Variants in SCLT1 observed in about 807,000 individuals in gnomAD.
The protein encoded by SCLT1 is sodium channel and clathrin linker 1.
SCLT1 carries 78 observed loss-of-function variants against 112.8 expected under a neutral mutation model. The ratio of observed to expected loss-of-function variants is 0.69; its 90% CI spans 0.58 to 0.83. SCLT1 has a LOEUF of 0.83. Among genes scored for constraint, SCLT1 ranks in the 40% least tolerant of loss-of-function variants. The pLI is 0.00. For synonymous variants in SCLT1, 257 were observed against 254.7 expected (o/e 1.01, Z -0.09); for missense variants, 747 against 770.4 (o/e 0.97, Z 0.36).
intron 3 of SCLT1, among the ~76,000 whole-genome samples, chr4:128,878,879 T>C (rs1303168131): frequency 6.6e-6 from 1 of 152,046 alleles, no homozygotes; most frequent in African/African-American, 2.4e-5. Flanking sequence ...GATACGAAGA[T>C]ACTTTGTTCT....
intron 2 of SCLT1, among the ~76,000 whole-genome samples, chr4:129,068,428 G>A (rs1230331661): frequency 1.3e-5 from 2 of 152,122 alleles, no homozygotes; most frequent in Non-Finnish European, 2.9e-5. Context: ...CAGGAGTAAG[G>A]TGGTATCACG....
chr4:129,009,231 C>A (rs548551539), intron 5 of SCLT1, among the ~76,000 whole-genome samples: 2 of 152,062 alleles, frequency 1.3e-5, no homozygotes, highest in Non-Finnish European at 2.9e-5. Context: ...TCTTTGAGAT[C>A]CAAGCCGGGC....
chr4:129,066,154 C>T (rs1025446629), intron 2 of SCLT1, among the ~76,000 whole-genome samples: 1 of 151,906 alleles, frequency 6.6e-6, no homozygotes, highest in Non-Finnish European at 1.5e-5. Context: ...AGCAGAAAAA[C>T]ATATACATTT....
At chr4:128,891,388 T>G (rs1335760415) in intron 18 of SCLT1, among the ~76,000 whole-genome samples, 1 of 152,128 alleles carries the variant, frequency 6.6e-6, no homozygotes, top group Non-Finnish European at 1.5e-5. Flanking sequence ...TTAAAAATAG[T>G]TAAGGTGGTA....
intron 18 of SCLT1, among the ~76,000 whole-genome samples, chr4:128,905,347 C>A (rs1329128322): frequency 3.3e-5 from 5 of 152,064 alleles, no homozygotes; most frequent in Non-Finnish European, 4.4e-5. Context: ...TGAAGATAAC[C>A]CTATTCTAAG....
rs964761166 is a variant in SCLT1, at chr4:128,980,819, C to T, written c.687-10351G>A. Among the ~76,000 whole-genome samples, 6 of 152,062 alleles carry T rather than the reference C, an allele frequency of 3.9e-5. No individual in the cohort carries two copies. The South Asian group carries it at 1.2e-3, about 32-fold the overall frequency. On this transcript the variant is annotated intron_variant, in intron 9 of 20. Coordinates refer to ENST00000281142, the MANE Select transcript of SCLT1 (RefSeq NM_144643.4). ...CAGGTGTGTTGTTTTGGAAATCAAA[C>T]TTCTAAGTGGTCACACATTTCTGTG...
In SCLT1 at chr4:128,945,995, AG is replaced by A. The variant is rs1424712502; in HGVS notation, c.1439+11del. 6.3e-7 allele frequency: 1 copy of A among 1,579,630 alleles called. No homozygotes were observed. Among genetic ancestry groups the A allele is most frequent in the Non-Finnish European group, 8.6e-7 (1 of 1,158,268 alleles). ...AAGATGTTATCATAGAAAATCCAAAAGAAAAACTTACTCAGTTTCAAGTTGT... is the reference window on the plus strand; with the variant it reads ...AAGATGTTATCATAGAAAATCCAAAAAAAAACTTACTCAGTTTCAAGTTGT... On this transcript the variant is annotated intron_variant, in intron 16 of 20. Transcript: ENST00000281142.
intron 2 of SCLT1, among the ~76,000 whole-genome samples, chr4:129,054,525 T>C (rs1027877966): frequency 1.6e-4 from 24 of 152,188 alleles, no homozygotes; most frequent in African/African-American, 5.8e-4. Flanking sequence ...ATATCCTTTC[T>C]TCCGCTTGAT....
At chr4:129,055,688 G>C (rs1749304355) in intron 2 of SCLT1, among the ~76,000 whole-genome samples, 1 of 152,104 alleles carries the variant, frequency 6.6e-6, no homozygotes, top group Admixed American at 6.5e-5. Context: ...TTTCAAGCCA[G>C]TGGTTCTTAG....
At position 129,031,761 on chromosome 4, in the gene SCLT1, A is replaced by T. The variant is rs570373611; in HGVS notation, c.290+7280T>A. On this transcript the variant is annotated intron_variant, in intron 5 of 20. Coordinates refer to ENST00000281142, the MANE Select transcript of SCLT1 (RefSeq NM_144643.4). ...AGGAATCCAACTTACAAGGGATATGAAGGACCTCTTCAAGGAGAACTACAA... is the reference window on the plus strand; with the variant it reads ...AGGAATCCAACTTACAAGGGATATGTAGGACCTCTTCAAGGAGAACTACAA... Among the ~76,000 whole-genome samples, 32 of 152,304 alleles carry T rather than the reference A, an allele frequency of 2.1e-4. No homozygotes were observed. In the East Asian group the frequency reaches 4.8e-3, roughly 23 times the overall value.
At chr4:128,944,711 A>G (rs1249960707) in intron 16 of SCLT1, 1 of 152,230 alleles carries the variant, frequency 6.6e-6, no homozygotes, top group Non-Finnish European at 1.5e-5. Flanking sequence ...ATATACTTTA[A>G]AGCACATATG....
intron 9 of SCLT1, among the ~76,000 whole-genome samples, chr4:128,973,067 CAT>C (rs1174786535): frequency 6.8e-6 from 1 of 146,032 alleles, no homozygotes; most frequent in African/African-American, 2.4e-5. Flanking sequence ...TCTTTTTTCA[CAT>C]GTTTGGCTGG....
intron 18 of SCLT1, among the ~76,000 whole-genome samples, chr4:128,922,543 C>T (rs541602524): frequency 8.5e-5 from 13 of 152,192 alleles, no homozygotes; most frequent in African/African-American, 2.6e-4. Context: ...AGTGAACTAA[C>T]GCAGGAACAG....
chr4:128,895,114 T>C (rs1211352514), intron 18 of SCLT1, among the ~76,000 whole-genome samples: 1 of 152,220 alleles, frequency 6.6e-6, no homozygotes, highest in Non-Finnish European at 1.5e-5. Flanking sequence ...CTTAGAGTTA[T>C]TGTAATAACG....
chr4:128,997,049 A>T (rs1236514492), intron 8 of SCLT1, among the ~76,000 whole-genome samples: 1 of 152,070 alleles, frequency 6.6e-6, no homozygotes, highest in Non-Finnish European at 1.5e-5. Flanking sequence ...CTGGAGTACT[A>T]GTATTTTAAA....
At chr4:129,015,182 G>A (rs1744880231) in intron 5 of SCLT1, among the ~76,000 whole-genome samples, 1 of 152,138 alleles carries the variant, frequency 6.6e-6, no homozygotes, top group African/African-American at 2.4e-5. Context: ...ATGTGCTAGT[G>A]GGGCAAGGAA....
Position 128,960,728 on chromosome 4 carries a change from G to A in SCLT1, c.870-951C>T, listed in dbSNP as rs1388242554. 6.6e-5 allele frequency among the ~76,000 whole-genome samples: 10 copies of A among 150,984 alleles called. No individual in the cohort carries two copies. The South Asian group carries it at 2.1e-3, about 32-fold the overall frequency. On this transcript the variant is annotated intron_variant, in intron 11 of 20. Transcript: ENST00000281142. The stretch of plus-strand genomic sequence containing the variant: ...GAGGTCAGGAGATCGAGACCATCCT[G>A]GCTAACAAGGTGAAACCCCGTCTCT...
chr4:128,932,948 G>A (rs2125977970), intron 18 of SCLT1, among the ~76,000 whole-genome samples: 1 of 152,234 alleles, frequency 6.6e-6, no homozygotes, highest in South Asian at 2.1e-4. Flanking sequence ...AGAAATTTAA[G>A]AAGGCACAAA....
chr4:128,923,454 A>AG (rs1377622077), intron 18 of SCLT1, among the ~76,000 whole-genome samples: 1 of 151,192 alleles, frequency 6.6e-6, no homozygotes, highest in African/African-American at 2.4e-5. Flanking sequence ...CAAAAAAAAA[A>AG]AAAAAAAAAA....
Sources: gnomAD v4.1 joint callset for allele counts (sites outside exome capture counted in the v4.1 genomes callset) on GRCh38, gnomAD v4.1.1 for gene constraint, MANE v1.5 for transcripts, NCBI Gene and HGNC (gene_info 2026-07-23, HGNC 2026-07-21) for gene names.